The following ANKLE2 variants were observed in gnomAD, a reference collection of about 807,000 sequenced individuals.
The protein encoded by ANKLE2 is ankyrin repeat and LEM domain-containing protein 2.
ANKLE2 carries 55 observed loss-of-function variants against 84.2 expected under a neutral mutation model. The ratio of observed to expected loss-of-function variants is 0.65; its 90% confidence interval spans 0.53 to 0.82. The LOEUF is 0.82. ANKLE2 is among the 40% of genes least tolerant of loss of function. The pLI is 0.00. For synonymous variants in ANKLE2, 551 were observed against 486.1 expected (o/e 1.13, Z -1.76); for missense variants, 1,238 against 1,201.9 (o/e 1.03, Z -0.44).
chr12:132,748,488 G>A (rs117258831), intron 3 of ANKLE2, among the ~76,000 whole-genome samples, 157 bp from the exon 4 acceptor site: 3,592 of 152,286 alleles, frequency 0.024, 49 homozygotes, highest in Non-Finnish European at 0.036. Context: ...CACGGCCACC[G>A]GCCCCAGCAT....
At chr12:132,749,081 GA>G (rs1240177580) in intron 3 of ANKLE2, 1 of 152,168 alleles carries the variant, frequency 6.6e-6, no homozygotes, top group Admixed American at 6.6e-5. Context: ...AACACTCCCA[GA>G]AATCACGCAA....
Position 132,727,266 on chromosome 12 carries a change from G to T in ANKLE2, c.2793C>A (p.Arg931=). ...CCTACAGGGCGGCAAGCTCAGCCAG[G>T]CGCGCCATCCTGCGGAGCTGGCTCC... ...VHGSQLRRMA[R]LAELAAL is the part of the protein sequence containing the mutation. Residue 931 remains arginine, a synonymous_variant, in exon 13 of 13, where the codon CGC becomes CGA. Coordinates refer to ENST00000357997, the MANE Select transcript of ANKLE2 (RefSeq NM_015114.3). The T allele has an allele frequency of 6.4e-7, 1 of 1,561,720 alleles. No individual in the cohort carries two copies. The highest frequency in any genetic ancestry group is 1.2e-5 in the South Asian group (1 of 84,900).
At chr12:132,750,599 C>G in intron 3 of ANKLE2, 44 bp downstream of exon 3, 1 of 1,602,976 alleles carries the variant, frequency 6.2e-7, no homozygotes. Flanking sequence ...AGGGTGGGAT[C>G]AATGTGACAG....
At position 132,728,091 on chromosome 12, in the gene ANKLE2, G is replaced by A. The variant is rs2043747043; in HGVS notation, c.2556C>T (p.Phe852=). ...CACTCTTCCATCTGTGCACGGCCGGGAACTGATGGGGGTCGACGTCTGCAC... is the reference window on the plus strand; with the variant it reads ...CACTCTTCCATCTGTGCACGGCCGGAAACTGATGGGGGTCGACGTCTGCAC... ...LECADVDPHQ[F]PAVHRWKSAV... is the part of the protein sequence containing the mutation. Residue 852 remains phenylalanine, a synonymous_variant, in exon 12 of 13, where the codon TTC becomes TTT. Transcript: ENST00000357997. 1 of 1,612,980 alleles carries A rather than the reference G, an allele frequency of 6.2e-7. No homozygotes were observed. Among genetic ancestry groups the A allele is most frequent in the Non-Finnish European group, 8.5e-7 (1 of 1,179,950 alleles).
rs758871645 is a variant in ANKLE2 at position 132,743,203 on chromosome 12, T to G, written c.1304A>C (p.His435Pro). The G allele has an allele frequency of 3.1e-6, 5 of 1,612,234 alleles. No homozygotes were observed. In the Admixed American group the frequency reaches 8.4e-5, roughly 27 times the overall value. ...ADVVNVLSSH[H>P]LIVKNSRNKY... ...ATTCCTTGAGTTTTTTACAATCAAATGGTGTGACGAAAGCACGTTGACTAC... is the reference window on the plus strand; with the variant it reads ...ATTCCTTGAGTTTTTTACAATCAAAGGGTGTGACGAAAGCACGTTGACTAC... The change falls in exon 6 of 13, where the codon CAT becomes CCT. Residue 435 changes from histidine to proline, a missense_variant. By Grantham distance (77) the His-to-Pro change is moderately conservative. Around this residue, in one of 3 missense-constraint regions of ANKLE2, gnomAD observed 802 missense variants for 774.5 expected, o/e 1.04. Transcript: ENST00000357997. This position sits in a 1 kb window ranked among gnomAD's most constrained non-coding sequence, Gnocchi z 4.1.
intron 11 of ANKLE2, among the ~76,000 whole-genome samples, chr12:132,728,432 C>T (rs779012802): frequency 1.2e-4 from 18 of 152,174 alleles, no homozygotes; most frequent in Non-Finnish European, 2.2e-4. Flanking sequence ...ATTTCACCAT[C>T]TTGGTCAGGC....
intron 5 of ANKLE2, among the ~76,000 whole-genome samples, chr12:132,747,022 CT>C (rs1356441629): frequency 6.6e-6 from 1 of 152,252 alleles, no homozygotes; most frequent in African/African-American, 2.4e-5. Flanking sequence ...CTTCCCAGTG[CT>C]GCCTTGCATG....
rs971697002 is a variant in ANKLE2, at chr12:132,737,054, C to T, written c.1432G>A (p.Val478Met). The change falls in exon 8 of 13, where the codon GTG (valine) becomes ATG (methionine). Residue 478 changes from valine to methionine, a missense_variant. Around this residue, in one of 3 missense-constraint regions of ANKLE2, gnomAD observed 802 missense variants for 774.5 expected, o/e 1.04. Transcript: ENST00000357997. ...IREYLKGHYY[V>M]PLLRAEETSS... ...GTCTCTTCCGCTCTCAGGAGGGGCACGTAGTAGTGGCCTGAGGGAGGAGAC... is the reference window on the plus strand; with the variant it reads ...GTCTCTTCCGCTCTCAGGAGGGGCATGTAGTAGTGGCCTGAGGGAGGAGAC... 4 of 1,600,598 alleles carry T rather than the reference C, an allele frequency of 2.5e-6. No homozygotes were observed. Among genetic ancestry groups the T allele is most frequent in the South Asian group, 2.2e-5 (2 of 90,318 alleles).
At position 132,728,019 on chromosome 12, in the gene ANKLE2, G is replaced by A. The variant is rs2043744997; in HGVS notation, c.2615+13C>T. ...CTGCCCTGCGGGTGACAGGCTGTCC[G>A]GGCCCCACATACCTCTGTCTGTCCG... is the stretch of plus-strand genomic sequence containing the variant. On this transcript the variant is annotated intron_variant, in intron 12 of 12. Transcript: ENST00000357997. The A allele has an allele frequency of 6.3e-7, 1 of 1,587,408 alleles. No homozygotes were observed.
At chr12:132,761,383 A>C in intron 1 of ANKLE2, 4 of 326,344 alleles carry the variant, frequency 1.2e-5, no homozygotes, top group Admixed American at 5.0e-5. Flanking sequence ...GGGCCCGGGA[A>C]AGCTCTCACC....
chr12:132,735,053 G>A, intron 9 of ANKLE2: 1 of 302,840 alleles, frequency 3.3e-6, no homozygotes. Flanking sequence ...TTTGATTACA[G>A]CATAATTTAG....
chr12:132,752,682 TA>T (rs2044382380), intron 2 of ANKLE2, among the ~76,000 whole-genome samples: 1 of 152,168 alleles, frequency 6.6e-6, no homozygotes, highest in Non-Finnish European at 1.5e-5. Flanking sequence ...ACGTATTCTT[TA>T]AAAAGATCTT....
intron 6 of ANKLE2, chr12:132,741,842 C>G (rs1165302859): frequency 2.1e-6 from 1 of 470,468 alleles, no homozygotes; most frequent in Non-Finnish European, 4.2e-6. Flanking sequence ...TTACAGGAAG[C>G]CTGGTCATAC....
intron 7 of ANKLE2, among the ~76,000 whole-genome samples, chr12:132,739,537 CT>C (rs1374490779): frequency 1.3e-5 from 2 of 152,200 alleles, no homozygotes; most frequent in Non-Finnish European, 2.9e-5. Context: ...CTACACTTTA[CT>C]CATAAAATAC....
At chr12:132,752,886 A>C (rs2044386837) in intron 2 of ANKLE2, among the ~76,000 whole-genome samples, 1 of 151,902 alleles carries the variant, frequency 6.6e-6, no homozygotes, top group Non-Finnish European at 1.5e-5. Context: ...GGCTGGGCAC[A>C]GTGGCTCACA....
intron 2 of ANKLE2, chr12:132,751,080 G>A: frequency 5.0e-6 from 2 of 398,092 alleles, no homozygotes; most frequent in Non-Finnish European, 8.9e-6. Flanking sequence ...GTTCATATAT[G>A]TAATTCTATA....
chr12:132,732,578 C>G (rs1437156215), intron 10 of ANKLE2, among the ~76,000 whole-genome samples: 1 of 121,128 alleles, frequency 8.3e-6, no homozygotes, highest in Non-Finnish European at 1.7e-5. Context: ...CACTGCGCGT[C>G]CTGGCGTCTG....
intron 10 of ANKLE2, 120 bp downstream of exon 10, chr12:132,734,265 A>C: frequency 9.2e-7 from 1 of 1,090,494 alleles, no homozygotes; most frequent in Non-Finnish European, 1.3e-6. Context: ...AACCTAAGGG[A>C]AAGTACCAGA....
intron 8 of ANKLE2, among the ~76,000 whole-genome samples, chr12:132,736,189 A>G (rs1051282384): frequency 1.3e-5 from 2 of 152,176 alleles, no homozygotes; most frequent in Non-Finnish European, 2.9e-5. Flanking sequence ...TGACCTCGTG[A>G]TCCACCCGCC....
Sources: gnomAD v4.1 joint callset for allele counts (sites outside exome capture counted in the v4.1 genomes callset) on GRCh38, gnomAD v4.1.1 for gene constraint, gnomAD v4.1.1 regional missense constraint, Gnocchi (gnomAD v3.1) non-coding constraint, MANE v1.5 for transcripts, NCBI Gene and HGNC (gene_info 2026-07-23, HGNC 2026-07-21) for gene names.